Variants in GSPT1 observed in about 807,000 individuals in gnomAD.
GSPT1 encodes the protein G1 to S phase transition 1, also known as eukaryotic peptide chain release factor GTP-binding subunit ERF3A.
A neutral mutation model predicts 72.5 loss-of-function variants in GSPT1; 20 were observed. The observed-to-expected ratio is 0.28, with a 90% CI of 0.19 to 0.40. The LOEUF (loss-of-function observed/expected upper bound fraction) is 0.40, where lower values mean the gene tolerates loss of function less well. GSPT1 is among the 10% of genes least tolerant of loss of function. The pLI, the probability that GSPT1 is intolerant of heterozygous loss-of-function variation, is 1.00. For synonymous variants in GSPT1, 334 were observed against 293.5 expected (o/e 1.14, Z -1.41); for missense variants, 580 against 811.9 (o/e 0.71, Z 3.47).
chr16:11,915,681 C>T lies in GSPT1; in HGVS notation c.40G>A (p.Gly14Ser), dbSNP rs1164974475. The T allele has an allele frequency of 3.8e-6, 5 of 1,319,908 alleles. No individual in the cohort carries two copies. The highest frequency in any genetic ancestry group is 5.1e-6 in the Non-Finnish European group (5 of 983,320). 81.8% of individuals were successfully genotyped at this position (1,319,908 alleles called of 1,614,324 possible). A position where few individuals can be genotyped will look rare whatever the true frequency, so the allele number is the denominator to read the frequency against. Residue 14 changes from glycine to serine, a missense_variant, in exon 1 of 15, where the codon GGC becomes AGC. Gly to Ser is a moderately conservative substitution (Grantham distance 56, BLOSUM62 0). Coordinates refer to ENST00000434724, the MANE Select transcript of GSPT1 (RefSeq NM_002094.4). Reference sequence around the variant, plus strand: ...CTGCTGCCGCTGCTGCTCCCGCCGCCGCCGCCGCCGCCGCCGCCGCCGCCA... The same window carrying T: ...CTGCTGCCGCTGCTGCTCCCGCCGCTGCCGCCGCCGCCGCCGCCGCCGCCA... ...GSGGGGGGGG[G>S]GGSSSGSSSS...
intron 1 of GSPT1, among the ~76,000 whole-genome samples, chr16:11,911,854 A>ATGTTTTTTTTTT (rs2054562118): frequency 2.2e-5 from 1 of 45,384 alleles, no homozygotes; most frequent in Non-Finnish European, 3.8e-5. Flanking sequence ...ACCCAGCTGT[A>ATGTTTTTTTTTT]TTTTTTTTTT....
intron 10 of GSPT1, 58 bp from the exon 11 acceptor site, chr16:11,883,153 A>G: frequency 9.8e-7 from 1 of 1,022,098 alleles, no homozygotes. Flanking sequence ...ATAACAGCTC[A>G]ATAGCCCAAA....
rs2141266070 is a variant in GSPT1 at position 11,870,317 on chromosome 16, T to G, written c.*2802A>C. 1 of 152,348 alleles carries G rather than the reference T, an allele frequency of 6.6e-6. No individual in the cohort carries two copies. The highest frequency in any genetic ancestry group is 2.1e-4 in the South Asian group (1 of 4,830). 9.4% of individuals were successfully genotyped at this position (152,348 alleles called of 1,614,324 possible). On this transcript the variant is annotated 3_prime_UTR_variant, in exon 15 of 15. Coordinates refer to ENST00000434724, the MANE Select transcript of GSPT1 (RefSeq NM_002094.4). Reference sequence around the variant, plus strand: ...AGAAACAAGGGTTTAAAATGGCAATTACTTAGATGTTTATTTCAATATTTC... The same window carrying G: ...AGAAACAAGGGTTTAAAATGGCAATGACTTAGATGTTTATTTCAATATTTC...
At chr16:11,901,389 G>C (rs2054404190) in intron 1 of GSPT1, among the ~76,000 whole-genome samples, 1 of 152,080 alleles carries the variant, frequency 6.6e-6, no homozygotes, top group African/African-American at 2.4e-5. Flanking sequence ...TGCTAGTAAA[G>C]GAAGTTAGAA....
intron 10 of GSPT1, among the ~76,000 whole-genome samples, chr16:11,884,626 C>T (rs909995126): frequency 2.2e-4 from 34 of 151,966 alleles, no homozygotes; most frequent in Middle Eastern, 3.4e-3. Context: ...TAGCTGGATG[C>T]GGTGGCACAC....
intron 11 of GSPT1, chr16:11,881,655 C>CTTTTTTTTCTTTTTTTTTTTTTTTTTTTT (rs2054123517): frequency 1.1e-5 from 1 of 92,730 alleles, no homozygotes; most frequent in African/African-American, 3.9e-5. Flanking sequence ...ACTTCCATAG[C>CTTTTTTTTCTTTTTTTTTTTTTTTTTTTT]TTTTTTTTTT....
chr16:11,882,146 T>C (rs976258091), intron 11 of GSPT1: 1 of 152,190 alleles, frequency 6.6e-6, no homozygotes, highest in Non-Finnish European at 1.5e-5. Context: ...CCAGATATGG[T>C]GATGCATGCC....
rs1038872874 is a variant in GSPT1, at chr16:11,871,786, T to G, written c.*1333A>C. 1 of 152,160 alleles carries G rather than the reference T, an allele frequency of 6.6e-6. No individual in the cohort carries two copies. Among genetic ancestry groups the G allele is most frequent in the Non-Finnish European group, 1.5e-5 (1 of 68,028 alleles). The allele number at this position is 152,160 out of a possible 1,614,324, so 9.4% of individuals were successfully genotyped here. On this transcript the variant is annotated 3_prime_UTR_variant, in exon 15 of 15. Transcript: ENST00000434724. ...GGGGGCTTTGGATAAACCCACAAAT[T>G]GCCTCCATTCCTCATTTATTCTCAT...
chr16:11,891,056 C>CTA lies in GSPT1; in HGVS notation c.776+4_776+5dup. 5 of 1,339,736 alleles carry CTA rather than the reference C, an allele frequency of 3.7e-6. No individual in the cohort carries two copies. The highest frequency in any genetic ancestry group is 5.2e-6 in the Non-Finnish European group (5 of 963,472). The allele number at this position is 1,339,736 out of a possible 1,614,324, so 83.0% of individuals were successfully genotyped here. On this transcript the variant is annotated splice_donor_region_variant and intron_variant, in intron 6 of 14. Transcript: ENST00000434724. ...AATTTATAAGTGTCATAAAAGTTTA[C>CTA]TATACCAAGTTTCTCTGTTTTTCTC...
At position 11,873,211 on chromosome 16, in the gene GSPT1, A is replaced by G. The variant is rs201641614; in HGVS notation, c.1862-40T>C. On this transcript the variant is annotated intron_variant, in intron 14 of 14. Coordinates refer to ENST00000434724, the MANE Select transcript of GSPT1 (RefSeq NM_002094.4). Reference sequence around the variant, plus strand: ...TTAAAAAAATCTTTCAGTAGTTAACAGCAAGTCTATATAAGATATTAAAAC... The same window carrying G: ...TTAAAAAAATCTTTCAGTAGTTAACGGCAAGTCTATATAAGATATTAAAAC... 414 of 985,442 alleles carry G rather than the reference A, an allele frequency of 4.2e-4. 1 individual carries two copies. Among genetic ancestry groups the G allele is most frequent in the Non-Finnish European group, 1.8e-4 (113 of 611,128 alleles). 61.0% of individuals were successfully genotyped at this position (985,442 alleles called of 1,614,324 possible). A position where few individuals can be genotyped will look rare whatever the true frequency, so the allele number is the denominator to read the frequency against.
chr16:11,875,310 T>G (rs1040582825), intron 14 of GSPT1, among the ~76,000 whole-genome samples: 2 of 152,112 alleles, frequency 1.3e-5, no homozygotes, highest in African/African-American at 4.8e-5. Context: ...GCCAAAGAAC[T>G]TCATGACCCC....
intron 5 of GSPT1, 70 bp from the exon 6 acceptor site, chr16:11,891,209 T>A (rs1022811811): frequency 8.8e-6 from 7 of 799,640 alleles, no homozygotes; most frequent in Non-Finnish European, 1.3e-5. Context: ...TAGGAAAACG[T>A]GAAAATTGTC....
At position 11,877,305 on chromosome 16, in the gene GSPT1, G is replaced by T; in HGVS notation, c.1602+102C>A. Reference sequence around the variant, plus strand: ...CCATTCCCCTTCTCTACACTAAGATGGGTTAACTGGCATGTCACAAATAAT... The same window carrying T: ...CCATTCCCCTTCTCTACACTAAGATTGGTTAACTGGCATGTCACAAATAAT... On this transcript the variant is annotated intron_variant, in intron 12 of 14. Transcript: ENST00000434724. The surrounding 1 kb of genome is among the most constrained non-coding windows in gnomAD (Gnocchi z 4.0). The T allele has an allele frequency of 1.3e-6, 1 of 745,014 alleles. No homozygotes were observed. The highest frequency in any genetic ancestry group is 2.1e-6 in the Non-Finnish European group (1 of 469,840). The allele number at this position is 745,014 out of a possible 1,614,324, so 46.2% of individuals were successfully genotyped here.
At chr16:11,889,642 G>A (rs1048904908) in intron 6 of GSPT1, among the ~76,000 whole-genome samples, 6 of 151,894 alleles carry the variant, frequency 4.0e-5, no homozygotes, top group Non-Finnish European at 8.8e-5. Flanking sequence ...CGAGTAGCTG[G>A]GATTAGAGCA....
At chr16:11,883,210 G>A in intron 10 of GSPT1, 115 bp from the exon 11 acceptor site, 1 of 670,250 alleles carries the variant, frequency 1.5e-6, no homozygotes, top group Non-Finnish European at 2.7e-6. Flanking sequence ...ATTTGCTTAA[G>A]TAGAAGGCTT....
In GSPT1 at chr16:11,896,542, T is replaced by C. The variant is rs371760334; in HGVS notation, c.664+16A>G. ...TTATGTATCCAGTAACTTTAATTGC[T>C]ATGAGAGCAGCTTACCTACGTGCCC... is the stretch of plus-strand genomic sequence containing the variant. On this transcript the variant is annotated intron_variant, in intron 4 of 14. Transcript: ENST00000434724. The C allele has an allele frequency of 1.4e-6, 2 of 1,424,426 alleles. No individual in the cohort carries two copies. Among genetic ancestry groups the C allele is most frequent in the Non-Finnish European group, 2.0e-6 (2 of 1,022,198 alleles). 88.2% of individuals were successfully genotyped at this position (1,424,426 alleles called of 1,614,324 possible).
intron 1 of GSPT1, among the ~76,000 whole-genome samples, chr16:11,902,311 G>A (rs1321108454): frequency 9.4e-5 from 14 of 149,292 alleles, no homozygotes; most frequent in Non-Finnish European, 5.9e-5. Context: ...GAACCCGGGA[G>A]GTGGAGCTGG....
chr16:11,915,065 A>C, intron 1 of GSPT1: 4 of 1,291,720 alleles, frequency 3.1e-6, no homozygotes, highest in South Asian at 2.5e-5. Context: ...ACTCCGTTCC[A>C]TACGGTTCCC....
At chr16:11,876,939 T>C (rs1007199984) in intron 12 of GSPT1, among the ~76,000 whole-genome samples, 2 of 152,212 alleles carry the variant, frequency 1.3e-5, no homozygotes, top group Non-Finnish European at 2.9e-5. Context: ...CTTGATTAGT[T>C]GTCATACCTT....
Sources: allele counts gnomAD v4.1 joint callset (sites outside exome capture counted in the v4.1 genomes callset), GRCh38; gene constraint gnomAD v4.1.1; non-coding constraint Gnocchi (gnomAD v3.1); transcripts MANE v1.5; gene names NCBI Gene and HGNC (gene_info 2026-07-23, HGNC 2026-07-21).